COL21A1: variants seen among roughly 807,000 people sequenced by gnomAD.
COL21A1 encodes collagen type XXI alpha 1 chain.
COL21A1 carries 149 observed loss-of-function variants against 137.9 expected under a neutral mutation model. That is an observed-to-expected ratio of 1.08 (90% confidence interval 0.95 to 1.24). The LOEUF is 1.24. Among genes scored for constraint, COL21A1 ranks in the 50% most tolerant of loss-of-function variants. The probability of loss-of-function intolerance (pLI) is 0.00; values close to 1 mark genes in which losing one functional copy is unlikely to be tolerated. For synonymous variants in COL21A1, 456 were observed against 391.5 expected, an observed-to-expected ratio of 1.16 and a Z score of -1.95; for missense variants, 1,167 against 1,158.4, an observed-to-expected ratio of 1.01 and a Z score of -0.11.
At chr6:56,289,262 A>G (rs978467294) in intron 1 of COL21A1, among the ~76,000 whole-genome samples, 3 of 152,250 alleles carry the variant, frequency 2.0e-5, no homozygotes, top group Non-Finnish European at 4.4e-5. Context: ...TAAACATGTC[A>G]GCTTTCTCTC....
intron 12 of COL21A1, among the ~76,000 whole-genome samples, chr6:56,131,919 T>C (rs1773582770): frequency 6.6e-6 from 1 of 152,050 alleles, no homozygotes; most frequent in Non-Finnish European, 1.5e-5. Flanking sequence ...TTAATACTTT[T>C]TCTGGACTAC....
At chr6:56,215,053 A>G (rs915243422) in intron 1 of COL21A1, among the ~76,000 whole-genome samples, 1 of 151,924 alleles carries the variant, frequency 6.6e-6, no homozygotes, top group Non-Finnish European at 1.5e-5. Context: ...TTAACGTCCT[A>G]TGTTATATAC....
At chr6:56,128,419 G>C (rs916531104) in intron 12 of COL21A1, among the ~76,000 whole-genome samples, 2 of 152,278 alleles carry the variant, frequency 1.3e-5, no homozygotes, top group South Asian at 2.1e-4. Flanking sequence ...AGCTCATATG[G>C]AAGGTGATAG....
At chr6:56,086,211 A>G (rs180862131) in intron 17 of COL21A1, among the ~76,000 whole-genome samples, 3 of 152,138 alleles carry the variant, frequency 2.0e-5, no homozygotes, top group Admixed American at 2.0e-4. Flanking sequence ...GCCTGTCATG[A>G]TTAAATGTGC....
exon 1 of COL21A1, chr6:56,393,981 A>C (rs2094035193): frequency 6.6e-6 from 1 of 152,318 alleles, no homozygotes; most frequent in Non-Finnish European, 1.5e-5. Context: ...CTCACTGGGA[A>C]CCTCACAGAA....
chr6:56,360,452 C>T, intron 1 of COL21A1, among the ~76,000 whole-genome samples: 1 of 152,066 alleles, frequency 6.6e-6, no homozygotes, highest in Admixed American at 6.6e-5. Flanking sequence ...ACACTGTGAA[C>T]CTGAGGACTC....
chr6:56,240,040 G>A (rs1013798005), intron 1 of COL21A1, among the ~76,000 whole-genome samples: 4 of 152,070 alleles, frequency 2.6e-5, no homozygotes, highest in African/African-American at 9.7e-5. Flanking sequence ...GTATTGTAAG[G>A]GGAAACCCCT....
intron 1 of COL21A1, among the ~76,000 whole-genome samples, chr6:56,289,206 A>C (rs1409323791): frequency 6.6e-6 from 1 of 152,206 alleles, no homozygotes; most frequent in African/African-American, 2.4e-5. Flanking sequence ...TCAATTCTTA[A>C]GGATATGCAT....
intron 2 of COL21A1, among the ~76,000 whole-genome samples, chr6:56,181,413 G>A (rs950333716): frequency 1.7e-4 from 25 of 151,234 alleles, no homozygotes; most frequent in Admixed American, 1.5e-3. Context: ...TTTTTTTGCA[G>A]GGAGACGAAA....
At chr6:56,112,812 G>A (rs987705422) in intron 16 of COL21A1, among the ~76,000 whole-genome samples, 2 of 151,028 alleles carry the variant, frequency 1.3e-5, no homozygotes, top group Admixed American at 1.3e-4. Flanking sequence ...AGCCTCCCAA[G>A]TAGCTGGGAT....
intron 1 of COL21A1, among the ~76,000 whole-genome samples, chr6:56,263,981 C>T (rs1304270090): frequency 6.6e-6 from 1 of 152,038 alleles, no homozygotes; most frequent in Non-Finnish European, 1.5e-5. Flanking sequence ...CACACACACA[C>T]ACACACAAAC....
intron 17 of COL21A1, among the ~76,000 whole-genome samples, chr6:56,083,367 C>T (rs552398882): frequency 6.6e-6 from 1 of 152,090 alleles, no homozygotes; most frequent in Admixed American, 6.6e-5. Flanking sequence ...TCTCTATCTT[C>T]ATATGGGTCA....
intron 16 of COL21A1, among the ~76,000 whole-genome samples, chr6:56,108,473 G>A (rs918301966): frequency 7.3e-5 from 11 of 151,612 alleles, no homozygotes; most frequent in Admixed American, 4.6e-4. Flanking sequence ...TACTGGAGAA[G>A]GTAAAATTCA....
chr6:56,098,856 C>T (rs1770144639), intron 17 of COL21A1, among the ~76,000 whole-genome samples: 2 of 148,186 alleles, frequency 1.3e-5, no homozygotes, highest in East Asian at 2.0e-4. Flanking sequence ...GCTGGGACTA[C>T]AGGCACGTGC....
intron 10 of COL21A1, among the ~76,000 whole-genome samples, chr6:56,145,649 G>C (rs528232081): frequency 2.7e-5 from 3 of 109,596 alleles, no homozygotes; most frequent in Non-Finnish European, 5.5e-5. Flanking sequence ...ATACCTTATT[G>C]AGTTCTTATT....
chr6:56,338,014 G>A (rs1361743867), intron 1 of COL21A1, among the ~76,000 whole-genome samples: 4 of 144,400 alleles, frequency 2.8e-5, no homozygotes, highest in Non-Finnish European at 4.5e-5. Context: ...CCAGGCTGGA[G>A]TGCAGTGGCG....
chr6:56,101,801 C>T (rs1770484231), intron 16 of COL21A1, among the ~76,000 whole-genome samples: 1 of 151,936 alleles, frequency 6.6e-6, no homozygotes, highest in Non-Finnish European at 1.5e-5. Flanking sequence ...GAGAATAGAC[C>T]ATCTTACTTC....
intron 1 of COL21A1, among the ~76,000 whole-genome samples, chr6:56,375,203 T>G (rs151083880): frequency 6.6e-6 from 1 of 152,214 alleles, no homozygotes; most frequent in Non-Finnish European, 1.5e-5. Flanking sequence ...AAAACCCTAG[T>G]ATAAATAGTA....
chr6:56,153,925 T>C (rs1233618733), intron 10 of COL21A1, among the ~76,000 whole-genome samples: 1 of 152,160 alleles, frequency 6.6e-6, no homozygotes, highest in East Asian at 1.9e-4. Context: ...TCCACTCTCA[T>C]GGTTTTGCAT....
Sources: gnomAD v4.1 joint callset for allele counts (sites outside exome capture counted in the v4.1 genomes callset) on GRCh38, gnomAD v4.1.1 for gene constraint, MANE v1.5 for transcripts, NCBI Gene and HGNC (gene_info 2026-07-23, HGNC 2026-07-21) for gene names.